IQGAP2: variants seen among roughly 807,000 people sequenced by gnomAD.
IQGAP2 encodes IQ motif containing GTPase activating protein 2.
A neutral mutation model predicts 201.3 loss-of-function variants in IQGAP2; 173 were observed. The observed-to-expected ratio is 0.86, with a 90% CI of 0.76 to 0.98. IQGAP2 has a LOEUF of 0.98. Ranked by LOEUF, IQGAP2 falls within the 50% of genes least tolerant of loss-of-function variation. IQGAP2 has a pLI of 0.00. For missense variants in IQGAP2, 1,687 were observed against 1,864.8 expected, an observed-to-expected ratio of 0.90 and a Z score of 1.76; for synonymous variants, 675 against 673.9, an observed-to-expected ratio of 1.00 and a Z score of -0.03.
At chr5:76,593,290 G>T (rs1746785958) in intron 9 of IQGAP2, among the ~76,000 whole-genome samples, 1 of 152,156 alleles carries the variant, frequency 6.6e-6, no homozygotes, top group Non-Finnish European at 1.5e-5. Context: ...TGTTCTATTG[G>T]AATTGTAAAA....
At chr5:76,689,422 C>G (rs1489248609) in intron 30 of IQGAP2, among the ~76,000 whole-genome samples, 1 of 152,006 alleles carries the variant, frequency 6.6e-6, no homozygotes, top group Non-Finnish European at 1.5e-5. Context: ...ATGATGATCA[C>G]ATGAAATTAT....
At chr5:76,687,085 T>G (rs780785907) in intron 30 of IQGAP2, among the ~76,000 whole-genome samples, 2 of 152,228 alleles carry the variant, frequency 1.3e-5, no homozygotes, top group Non-Finnish European at 2.9e-5. Flanking sequence ...GTTTTAGTCT[T>G]GCAGTTGAAT....
chr5:76,658,526 G>T lies in IQGAP2; in HGVS notation c.2388G>T (p.Leu796Phe), dbSNP rs1043889502. Residue 796 changes from leucine (L) to phenylalanine (F), a missense_variant, in exon 21 of 36, where the codon TTG becomes TTT. Leu to Phe is a conservative substitution (Grantham distance 22, BLOSUM62 0). Transcript: ENST00000274364. Reference sequence around the variant, plus strand: ...TATACCTGCTGGACCAAAGTGATTTGGATTTCCAGGAGGAACTAGAGGTTG... The same window carrying T: ...TATACCTGCTGGACCAAAGTGATTTTGATTTCCAGGAGGAACTAGAGGTTG... ...KFVYLLDQSD[L>F]DFQEELEVAR... 1.2e-6 allele frequency: 2 copies of T among 1,613,890 alleles called. No individual in the cohort carries two copies. The highest frequency in any genetic ancestry group is 1.7e-6 in the Non-Finnish European group (2 of 1,179,992).
intron 3 of IQGAP2, among the ~76,000 whole-genome samples, chr5:76,568,140 G>GAC (rs1744879016): frequency 6.6e-6 from 1 of 152,184 alleles, no homozygotes; most frequent in East Asian, 1.9e-4. Context: ...ATTCACTAAC[G>GAC]AAAGTGTGCT....
At chr5:76,575,322 C>T (rs868391149) in intron 4 of IQGAP2, among the ~76,000 whole-genome samples, 1 of 152,190 alleles carries the variant, frequency 6.6e-6, no homozygotes, top group South Asian at 2.1e-4. Flanking sequence ...AACAAGGACA[C>T]CCTTCTCAGG....
At chr5:76,667,954 C>T (rs1017873003) in intron 22 of IQGAP2, among the ~76,000 whole-genome samples, 2 of 148,894 alleles carry the variant, frequency 1.3e-5, no homozygotes, top group Non-Finnish European at 3.0e-5. Flanking sequence ...TCACAGCTCA[C>T]GGCAGCCTTG....
intron 28 of IQGAP2, 37 bp from the exon 29 acceptor site, chr5:76,683,078 C>CT: frequency 7.5e-7 from 1 of 1,334,308 alleles, no homozygotes; most frequent in Non-Finnish European, 1.1e-6. Flanking sequence ...TGAGAATTTA[C>CT]TTTTTTCTTT....
At chr5:76,606,098 A>T in intron 11 of IQGAP2, 81 bp from the exon 12 acceptor site, 1 of 1,242,032 alleles carries the variant, frequency 8.1e-7, no homozygotes, top group South Asian at 1.7e-5. Context: ...ACTATGTTTG[A>T]CCATGTGTCA....
intron 2 of IQGAP2, among the ~76,000 whole-genome samples, chr5:76,524,227 T>C (rs531053708): frequency 8.5e-5 from 13 of 152,362 alleles, no homozygotes; most frequent in Non-Finnish European, 1.3e-4. Flanking sequence ...GAATGAAGTA[T>C]GCTATACCTT....
At chr5:76,508,759 A>G (rs1484333895) in intron 2 of IQGAP2, among the ~76,000 whole-genome samples, 1 of 151,956 alleles carries the variant, frequency 6.6e-6, no homozygotes, top group Non-Finnish European at 1.5e-5. Context: ...AAAATACGAA[A>G]TGGACAAAGA....
At chr5:76,525,324 C>G (rs1758909267) in intron 2 of IQGAP2, among the ~76,000 whole-genome samples, 1 of 152,186 alleles carries the variant, frequency 6.6e-6, no homozygotes, top group Non-Finnish European at 1.5e-5. Flanking sequence ...TTCTTCATAT[C>G]AGCAAAATGA....
chr5:76,420,154 T>C (rs1751649411), intron 1 of IQGAP2, among the ~76,000 whole-genome samples: 1 of 152,130 alleles, frequency 6.6e-6, no homozygotes, highest in African/African-American at 2.4e-5. Flanking sequence ...CTACTGGTGA[T>C]GAATAGATAT....
intron 2 of IQGAP2, among the ~76,000 whole-genome samples, chr5:76,545,516 A>G (rs1449113221): frequency 6.6e-6 from 1 of 152,244 alleles, no homozygotes; most frequent in Non-Finnish European, 1.5e-5. Context: ...ACATTCTGAT[A>G]TGTATACAAT....
At chr5:76,412,319 G>A (rs374466806) in intron 1 of IQGAP2, among the ~76,000 whole-genome samples, 58 of 152,152 alleles carry the variant, frequency 3.8e-4, no homozygotes, top group Middle Eastern at 3.4e-3. Context: ...TTAAAAATTA[G>A]GGTGGTTTAT....
At chr5:76,648,614 A>G (rs1271567731) in intron 17 of IQGAP2, among the ~76,000 whole-genome samples, 1 of 152,268 alleles carries the variant, frequency 6.6e-6, no homozygotes, top group East Asian at 1.9e-4. Flanking sequence ...CAGCTATCAT[A>G]AAAATGTTAA....
At chr5:76,604,506 G>T (rs1580574667) in intron 11 of IQGAP2, among the ~76,000 whole-genome samples, 1 of 152,060 alleles carries the variant, frequency 6.6e-6, no homozygotes, top group Non-Finnish European at 1.5e-5. Context: ...GGGTCAAATG[G>T]TGTTACTTTT....
chr5:76,458,259 A>T (rs566377256), intron 1 of IQGAP2, among the ~76,000 whole-genome samples: 1 of 152,330 alleles, frequency 6.6e-6, no homozygotes, highest in South Asian at 2.1e-4. Context: ...GAGGGTGATC[A>T]TGAGAACCAC....
chr5:76,549,307 C>T (rs149396481), intron 2 of IQGAP2, among the ~76,000 whole-genome samples: 40 of 142,086 alleles, frequency 2.8e-4, no homozygotes, highest in African/African-American at 1.0e-3. Flanking sequence ...CAGTCTCAGG[C>T]GTCGAGCTCT....
intron 2 of IQGAP2, among the ~76,000 whole-genome samples, chr5:76,479,595 A>G (rs1755654917): frequency 6.6e-6 from 1 of 152,114 alleles, no homozygotes; most frequent in Non-Finnish European, 1.5e-5. Flanking sequence ...TCACCCTTCC[A>G]TTTCAGTGGG....
Sources: allele counts gnomAD v4.1 joint callset (sites outside exome capture counted in the v4.1 genomes callset), GRCh38; gene constraint gnomAD v4.1.1; transcripts MANE v1.5; gene names NCBI Gene and HGNC (gene_info 2026-07-23, HGNC 2026-07-21).